The following SYNE1 variants were observed in gnomAD, a reference collection of about 807,000 sequenced individuals.
The protein encoded by SYNE1 is nesprin-1.
A neutral mutation model predicts 1,111.0 loss-of-function variants in SYNE1; 616 were observed. That is an observed-to-expected ratio of 0.55 (90% CI 0.52 to 0.59). SYNE1 has a LOEUF of 0.59. SYNE1 is among the 20% of genes least tolerant of loss of function. SYNE1 has a pLI of 0.00. For missense variants in SYNE1, 10,006 were observed against 10,417.0 expected, an observed-to-expected ratio of 0.96 and a Z score of 1.72; for synonymous variants, 3,855 against 3,825.8, an observed-to-expected ratio of 1.01 and a Z score of -0.28.
rs766635503 is a variant in SYNE1 at position 152,318,047 on chromosome 6, T to C, written c.16572+34A>G. On this transcript the variant is annotated intron_variant, in intron 86 of 145. Transcript: ENST00000367255. ...AAGCAGAACATGGAAGTTTCTGCCT[T>C]ACACGATTTGGATTTCTGGCCCGGA... 4 of 1,613,814 alleles carry C rather than the reference T, an allele frequency of 2.5e-6. No individual in the cohort carries two copies. The Admixed American group carries it at 6.7e-5, about 27-fold the overall frequency.
chr6:152,438,958 A>G lies in SYNE1; in HGVS notation c.4149+2172T>C, dbSNP rs970719734. On this transcript the variant is annotated intron_variant, in intron 32 of 145. Coordinates refer to ENST00000367255, the MANE Select transcript of SYNE1 (RefSeq NM_182961.4). Reference sequence around the variant, plus strand: ...AAGGACCTTTTGGATTGAAATCCCAACCTCACTATTTAGTGATCCGCAGAT... The same window carrying G: ...AAGGACCTTTTGGATTGAAATCCCAGCCTCACTATTTAGTGATCCGCAGAT... Among the ~76,000 whole-genome samples the G allele has an allele frequency of 2.0e-5, 3 of 152,196 alleles. No individual in the cohort carries two copies. In the East Asian group the frequency reaches 5.8e-4, roughly 29 times the overall value.
chr6:152,192,042 T>C (rs2072580114), intron 127 of SYNE1, among the ~76,000 whole-genome samples: 1 of 152,132 alleles, frequency 6.6e-6, no homozygotes, highest in South Asian at 2.1e-4. Context: ...TTTCTATGTG[T>C]TTGTATAGTT....
At chr6:152,242,780 G>A (rs1020808121) in intron 106 of SYNE1, among the ~76,000 whole-genome samples, 13 of 151,382 alleles carry the variant, frequency 8.6e-5, no homozygotes, top group Non-Finnish European at 1.5e-4. Flanking sequence ...TATTTCTAAC[G>A]GACAATAAAG....
At chr6:152,376,598 G>T (rs565539543) in intron 57 of SYNE1, 40 bp from the exon 58 acceptor site, 12 of 1,606,974 alleles carry the variant, frequency 7.5e-6, no homozygotes, top group African/African-American at 1.3e-5. Flanking sequence ...AGGAAAAAGC[G>T]ATAAAGTTGA....
In SYNE1 at chr6:152,331,250, G is replaced by A. The variant is rs778601377; in HGVS notation, c.13435C>T (p.Arg4479Cys). The A allele has an allele frequency of 2.4e-5, 38 of 1,613,932 alleles. No homozygotes were observed. The highest frequency in any genetic ancestry group is 4.5e-5 in the East Asian group (2 of 44,892). Residue 4479 changes from arginine (R) to cysteine (C), a missense_variant, in exon 78 of 146, where the codon CGT becomes TGT. Transcript: ENST00000367255. ...TCTGGTAACAGACAGATGTGTTCAC[G>A]GAACATTATCTTTCGCTCATGTTGC... Reference protein sequence around the residue: ...IQQHERKIMFREHICLLPDDV... With the variant: ...IQQHERKIMFCEHICLLPDDV...
chr6:152,371,900 A>AAGGACAGGACAGGAC (rs1563461409), intron 59 of SYNE1, among the ~76,000 whole-genome samples: 1 of 90,302 alleles, frequency 1.1e-5, no homozygotes, highest in African/African-American at 4.7e-5. Context: ...AAGGAAAGGA[A>AAGGACAGGACAGGAC]AGGAAAGGAA....
At chr6:152,347,544 T>A (rs539319233) in intron 72 of SYNE1, among the ~76,000 whole-genome samples, 2 of 152,256 alleles carry the variant, frequency 1.3e-5, no homozygotes, top group South Asian at 4.2e-4. Flanking sequence ...CAAAAAGATG[T>A]CCCTATATTT....
At chr6:152,454,179 C>T (rs2098676149) in intron 24 of SYNE1, among the ~76,000 whole-genome samples, 1 of 112,952 alleles carries the variant, frequency 8.9e-6, no homozygotes, top group Admixed American at 8.3e-5. Flanking sequence ...CACATGTGCA[C>T]ACAGAAGCAC....
At chr6:152,596,876 C>A (rs2128590944) in intron 3 of SYNE1, among the ~76,000 whole-genome samples, 1 of 152,256 alleles carries the variant, frequency 6.6e-6, no homozygotes, top group South Asian at 2.1e-4. Flanking sequence ...GTTTATTTCA[C>A]AAAGGACTGG....
At chr6:152,542,560 T>C (rs2099276514) in intron 3 of SYNE1, among the ~76,000 whole-genome samples, 1 of 152,096 alleles carries the variant, frequency 6.6e-6, no homozygotes, top group African/African-American at 2.4e-5. Context: ...GAGCAGCAAC[T>C]ATTATAATGC....
At chr6:152,241,279 G>C (rs1341829907) in intron 107 of SYNE1, among the ~76,000 whole-genome samples, 1 of 151,824 alleles carries the variant, frequency 6.6e-6, no homozygotes, top group East Asian at 1.9e-4. Flanking sequence ...ATGAAGCTTT[G>C]GACAAAAACG....
At position 152,461,651 on chromosome 6, in the gene SYNE1, T is replaced by C. The variant is rs1293146969; in HGVS notation, c.2340A>G (p.Glu780=). ...TGGTCGCAAACATTTCTTTTCCTTC[T>C]TCTTGGGGGCTTTCTTTGGTAATGA... The part of the protein sequence containing the change: ...AHLITKESPQ[E]EGKEMFATMS... Residue 780 remains glutamate (E), a synonymous_variant, in exon 21 of 146, where the codon GAA becomes GAG. Coordinates refer to ENST00000367255, the MANE Select transcript of SYNE1 (RefSeq NM_182961.4). 2 of 1,614,062 alleles carry C rather than the reference T, an allele frequency of 1.2e-6. No homozygotes were observed. Among genetic ancestry groups the C allele is most frequent in the African/African-American group, 2.7e-5 (2 of 75,032 alleles).
At chr6:152,392,207 T>A (rs2097653534) in intron 51 of SYNE1, among the ~76,000 whole-genome samples, 1 of 152,132 alleles carries the variant, frequency 6.6e-6, no homozygotes, top group Admixed American at 6.5e-5. Flanking sequence ...GCTAGGGCCA[T>A]TATATTCATC....
chr6:152,416,411 G>A lies in SYNE1; in HGVS notation c.6026C>T (p.Pro2009Leu). ...CCTCTGCTGAAGAGCTTGGCGGGTAGGTTCTTTCAATCGCTCTTTGTCAGT... is the reference window on the plus strand; with the variant it reads ...CCTCTGCTGAAGAGCTTGGCGGGTAAGTTCTTTCAATCGCTCTTTGTCAGT... ...ERTDKERLKE[P>L]TRQALQQRLR... Residue 2009 changes from proline (P) to leucine (L), a missense_variant, in exon 41 of 146, where the codon CCT becomes CTT. Transcript: ENST00000367255. 6.2e-7 allele frequency: 1 copy of A among 1,614,118 alleles called. No homozygotes were observed. The highest frequency in any genetic ancestry group is 8.5e-7 in the Non-Finnish European group (1 of 1,180,044).
In SYNE1 at chr6:152,433,850, A is replaced by G; in HGVS notation, c.4406T>C (p.Leu1469Pro). 3 of 1,613,874 alleles carry G rather than the reference A, an allele frequency of 1.9e-6. No homozygotes were observed. The highest frequency in any genetic ancestry group is 2.5e-6 in the Non-Finnish European group (3 of 1,179,806). The change falls in exon 34 of 146, where the codon CTC becomes CCC. Residue 1469 changes from leucine to proline, a missense_variant. Leu to Pro is a moderately conservative substitution (Grantham distance 98). This residue lies in a region of SYNE1 where 1,971 missense variants were observed against 2,084.1 expected (regional missense o/e 0.95). Coordinates refer to ENST00000367255, the MANE Select transcript of SYNE1 (RefSeq NM_182961.4). ...AGATGACGAAGTTTCCAAGGCATTG[A>G]GTTCTTTTTCTTTCTCAGTTATCCA... ...SVWITEKEKE[L>P]NALETSSSAM...
chr6:152,555,239 C>T (rs551923818), intron 3 of SYNE1, among the ~76,000 whole-genome samples: 5 of 152,248 alleles, frequency 3.3e-5, no homozygotes, highest in South Asian at 2.1e-4. Flanking sequence ...ATTCTCAATC[C>T]GTTCCCCCAG....
At chr6:152,344,429 G>A (rs552741236) in intron 73 of SYNE1, among the ~76,000 whole-genome samples, 5 of 152,154 alleles carry the variant, frequency 3.3e-5, no homozygotes, top group South Asian at 2.1e-4. Context: ...ATAACTTCTC[G>A]GACCACACAT....
chr6:152,531,177 C>T (rs550186238), intron 4 of SYNE1, among the ~76,000 whole-genome samples: 19 of 151,710 alleles, frequency 1.3e-4, no homozygotes, highest in Admixed American at 2.6e-4. Flanking sequence ...GTTTCCTTTA[C>T]GTGAAAAGAT....
At chr6:152,163,009 T>C (rs12198873) in intron 131 of SYNE1, among the ~76,000 whole-genome samples, 19,009 of 152,160 alleles carry the variant, frequency 0.12, 1,339 homozygotes, top group Non-Finnish European at 0.14. Context: ...CTATAAGATT[T>C]TAAAAATAGG....
Sources: gnomAD v4.1 joint callset for allele counts (sites outside exome capture counted in the v4.1 genomes callset) on GRCh38, gnomAD v4.1.1 for gene constraint, gnomAD v4.1.1 regional missense constraint, MANE v1.5 for transcripts, NCBI Gene and HGNC (gene_info 2026-07-23, HGNC 2026-07-21) for gene names.